Variants in EAF2 observed in about 807,000 individuals in gnomAD.
The protein encoded by EAF2 is ELL associated factor 2, also known as ELL-associated factor 2.
Under a neutral mutation model 29.4 loss-of-function variants are expected in EAF2, and 29 were observed. The ratio of observed to expected loss-of-function variants is 0.99; its 90% confidence interval spans 0.73 to 1.35. The LOEUF (loss-of-function observed/expected upper bound fraction) is 1.35, where lower values mean the gene tolerates loss of function less well. EAF2 is among the 40% of genes most tolerant of loss of function. The pLI is 0.00. For missense variants in EAF2, 292 were observed against 312.0 expected (o/e 0.94, Z 0.48); for synonymous variants, 103 against 102.5 (o/e 1.00, Z -0.03).
At chr3:121,855,750 A>G (rs1283017398) in intron 3 of EAF2, among the ~76,000 whole-genome samples, 1 of 152,156 alleles carries the variant, frequency 6.6e-6, no homozygotes, top group African/African-American at 2.4e-5. Context: ...TACGTTTTGG[A>G]AAGTAGGGGG....
intron 1 of EAF2, among the ~76,000 whole-genome samples, chr3:121,840,052 C>T (rs1240492933): frequency 1.3e-5 from 2 of 150,320 alleles, no homozygotes; most frequent in Non-Finnish European, 3.0e-5. Context: ...AATTAGCGGT[C>T]GTGGTGGCGG....
chr3:121,877,230 T>A lies in EAF2; in HGVS notation c.736+4442T>A, dbSNP rs114665512. On this transcript the variant is annotated intron_variant, in intron 5 of 5. Coordinates refer to ENST00000273668, the MANE Select transcript of EAF2 (RefSeq NM_018456.6). ...ATGTGTGTGTGTGCGTGTGTGTGTG[T>A]GTATGTATAAAACATAACAGAAGTA... Among the ~76,000 whole-genome samples the A allele has an allele frequency of 5.9e-3, 891 of 152,170 alleles. 18 individuals carry two copies. Among genetic ancestry groups the A allele is most frequent in the African/African-American group, 0.021 (857 of 41,548 alleles).
At chr3:121,840,123 G>A (rs891063130) in intron 1 of EAF2, among the ~76,000 whole-genome samples, 1 of 150,986 alleles carries the variant, frequency 6.6e-6, no homozygotes, top group Admixed American at 6.6e-5. Context: ...CGAAGAGGCG[G>A]AGGTTGCGGT....
At chr3:121,859,525 C>G (rs1430721146) in intron 4 of EAF2, among the ~76,000 whole-genome samples, 1 of 152,048 alleles carries the variant, frequency 6.6e-6, no homozygotes, top group African/African-American at 2.4e-5. Context: ...GATTTTGTAT[C>G]CTGAGACTTT....
chr3:121,851,875 T>C (rs936352533), intron 2 of EAF2, among the ~76,000 whole-genome samples: 2 of 152,224 alleles, frequency 1.3e-5, no homozygotes, highest in Admixed American at 1.3e-4. Context: ...TGATAGTTCA[T>C]ATGCTTAGTA....
intron 4 of EAF2, among the ~76,000 whole-genome samples, chr3:121,858,598 A>T (rs1343612231): frequency 6.6e-6 from 1 of 152,070 alleles, no homozygotes; most frequent in Non-Finnish European, 1.5e-5. Context: ...AATTGCAAAA[A>T]TTTTCTCCCA....
intron 5 of EAF2, among the ~76,000 whole-genome samples, chr3:121,884,897 T>C (rs995460097): frequency 9.2e-5 from 14 of 152,250 alleles, no homozygotes; most frequent in Non-Finnish European, 2.9e-5. Context: ...AAGAATTTTT[T>C]TAACCATTGT....
intron 4 of EAF2, among the ~76,000 whole-genome samples, chr3:121,870,880 CTA>C (rs1253873993): frequency 6.6e-6 from 1 of 152,076 alleles, no homozygotes; most frequent in African/African-American, 2.4e-5. Context: ...TTCAGACTCA[CTA>C]TACCAAGTGT....
At position 121,872,464 on chromosome 3, in the gene EAF2, T is replaced by C. The variant is rs1709030231; in HGVS notation, c.485-73T>C. ...GTTTCAACAGTTTCTTAAAAACTAATACATTCAATTTTTATTATATTTATT... is the reference window on the plus strand; with the variant it reads ...GTTTCAACAGTTTCTTAAAAACTAACACATTCAATTTTTATTATATTTATT... On this transcript the variant is annotated intron_variant, in intron 4 of 5. Transcript: ENST00000273668. The C allele has an allele frequency of 1.3e-5, 15 of 1,175,418 alleles. No homozygotes were observed. The South Asian group carries it at 2.6e-4, about 21-fold the overall frequency. The allele number at this position is 1,175,418 out of a possible 1,614,324, so 72.8% of individuals were successfully genotyped here.
intron 1 of EAF2, chr3:121,836,525 G>A (rs1244032866): frequency 1.7e-6 from 1 of 589,832 alleles, no homozygotes; most frequent in Admixed American, 6.3e-5. Context: ...TACTAAAAGG[G>A]TTTTTTTAAA....
chr3:121,842,150 C>A (rs1392752478), intron 1 of EAF2, among the ~76,000 whole-genome samples: 5 of 152,182 alleles, frequency 3.3e-5, no homozygotes, highest in Non-Finnish European at 7.3e-5. Context: ...AGCCACTGCA[C>A]TCCAGCATGC....
intron 2 of EAF2, among the ~76,000 whole-genome samples, chr3:121,852,877 C>T (rs1200216712): frequency 6.6e-6 from 1 of 151,986 alleles, no homozygotes. Flanking sequence ...TTTAGAAATA[C>T]ATATATGTGG....
intron 4 of EAF2, among the ~76,000 whole-genome samples, chr3:121,860,217 A>G (rs765562473): frequency 2.1e-4 from 32 of 152,022 alleles, no homozygotes; most frequent in Non-Finnish European, 4.1e-4. Context: ...CTCTTTTTCT[A>G]TCGATTGGAA....
intron 4 of EAF2, among the ~76,000 whole-genome samples, chr3:121,859,532 C>A (rs1326221615): frequency 5.9e-5 from 9 of 152,124 alleles, no homozygotes; most frequent in Non-Finnish European, 1.3e-4. Flanking sequence ...TATCCTGAGA[C>A]TTTGCTGAAG....
At chr3:121,878,698 C>T (rs542320449) in intron 5 of EAF2, among the ~76,000 whole-genome samples, 1 of 152,210 alleles carries the variant, frequency 6.6e-6, no homozygotes, top group East Asian at 1.9e-4. Flanking sequence ...ATAATGACTT[C>T]CAGTTCCATT....
chr3:121,860,985 T>G (rs1168878185), intron 4 of EAF2, among the ~76,000 whole-genome samples: 1 of 152,194 alleles, frequency 6.6e-6, no homozygotes, highest in Non-Finnish European at 1.5e-5. Context: ...GCGTTTTGAG[T>G]GAGTTTCTTA....
At chr3:121,844,310 T>C in intron 1 of EAF2, 143 bp from the exon 2 acceptor site, 1 of 534,328 alleles carries the variant, frequency 1.9e-6, no homozygotes, top group Non-Finnish European at 3.3e-6. Context: ...GTATTTTGTT[T>C]GTTCATTTGT....
intron 4 of EAF2, 89 bp downstream of exon 4, chr3:121,857,245 G>A: frequency 2.5e-6 from 3 of 1,213,642 alleles, no homozygotes; most frequent in Non-Finnish European, 3.4e-6. Context: ...TGTAATCCCA[G>A]CACTTTAGGA....
chr3:121,851,247 A>G (rs1203893808), intron 2 of EAF2, among the ~76,000 whole-genome samples: 3 of 152,024 alleles, frequency 2.0e-5, no homozygotes, highest in African/African-American at 7.2e-5. Context: ...GCACAATTAT[A>G]GCCCACTGCA....
Sources: gnomAD v4.1 joint callset for allele counts (sites outside exome capture counted in the v4.1 genomes callset) on GRCh38, gnomAD v4.1.1 for gene constraint, MANE v1.5 for transcripts, NCBI Gene and HGNC (gene_info 2026-07-23, HGNC 2026-07-21) for gene names.